Variants in MYO9A observed in about 807,000 individuals in gnomAD.
MYO9A encodes the protein unconventional myosin-IXa.
MYO9A carries 103 observed loss-of-function variants against 293.3 expected under a neutral mutation model. The observed-to-expected ratio is 0.35, with a 90% CI of 0.30 to 0.41. The LOEUF (loss-of-function observed/expected upper bound fraction) is 0.41. Ranked by LOEUF, MYO9A falls within the 10% of genes least tolerant of loss-of-function variation. The pLI is 1.00. For synonymous variants in MYO9A, 1,001 were observed against 1,035.7 expected (o/e 0.97, Z 0.64); for missense variants, 2,685 against 3,033.0 (o/e 0.89, Z 2.69).
chr15:71,827,740 G>C (rs2054565834), intron 41 of MYO9A, 144 bp downstream of exon 41: 1 of 902,418 alleles, frequency 1.1e-6, no homozygotes, highest in Non-Finnish European at 1.6e-6. Flanking sequence ...AAAATTATAT[G>C]GATAAAAGGA....
intron 18 of MYO9A, among the ~76,000 whole-genome samples, chr15:71,930,314 A>G (rs1387757770): frequency 6.6e-6 from 1 of 152,032 alleles, no homozygotes; most frequent in Non-Finnish European, 1.5e-5. Flanking sequence ...ATCCCCTAGG[A>G]TTACTGTATT....
Position 71,826,585 on chromosome 15 carries a change from C to A in MYO9A, c.7642G>T (p.Val2548Phe). The A allele has an allele frequency of 6.3e-7, 1 of 1,589,714 alleles. No individual in the cohort carries two copies. Among genetic ancestry groups the A allele is most frequent in the Non-Finnish European group, 8.5e-7 (1 of 1,171,492 alleles). Reference sequence around the variant, plus strand: ...AGGGACACACATCTGCCGGTTCAGACCATAAATTCATTATTTCCAAAGAGT... The same window carrying A: ...AGGGACACACATCTGCCGGTTCAGAACATAAATTCATTATTTCCAAAGAGT... The part of the protein sequence containing the change: ...LALFGNNEFM[V>F] The change falls in exon 42 of 42, where the codon GTC becomes TTC. Residue 2548 changes from valine (V) to phenylalanine (F), a missense_variant. Transcript: ENST00000356056.
chr15:71,908,913 A>G (rs773604283), intron 19 of MYO9A, among the ~76,000 whole-genome samples: 24 of 151,936 alleles, frequency 1.6e-4, no homozygotes, highest in Non-Finnish European at 3.2e-4. Context: ...CTGCCTACTC[A>G]TCCTCCCCCA....
intron 14 of MYO9A, among the ~76,000 whole-genome samples, chr15:71,954,785 T>C (rs945290862): frequency 6.6e-6 from 1 of 152,214 alleles, no homozygotes; most frequent in African/African-American, 2.4e-5. Flanking sequence ...AAAAGTTCCA[T>C]AACTTTGAAG....
At chr15:72,058,667 A>G (rs1035131102) in intron 1 of MYO9A, among the ~76,000 whole-genome samples, 3 of 152,148 alleles carry the variant, frequency 2.0e-5, no homozygotes, top group Non-Finnish European at 2.9e-5. Context: ...CTCTATCTCA[A>G]TGTAGACACT....
At chr15:72,024,732 T>C (rs2077610654) in intron 4 of MYO9A, among the ~76,000 whole-genome samples, 1 of 152,218 alleles carries the variant, frequency 6.6e-6, no homozygotes, top group South Asian at 2.1e-4. Flanking sequence ...ACAAAGTTTG[T>C]TGTATACTAT....
chr15:72,039,295 T>G (rs1036961469), intron 2 of MYO9A, among the ~76,000 whole-genome samples: 2 of 152,154 alleles, frequency 1.3e-5, no homozygotes, highest in African/African-American at 4.8e-5. Flanking sequence ...ATACTGTTAA[T>G]CTAAAGTTCA....
intron 18 of MYO9A, 65 bp from the exon 19 acceptor site, chr15:71,916,557 C>A: frequency 6.6e-7 from 1 of 1,504,054 alleles, no homozygotes; most frequent in Non-Finnish European, 9.0e-7. Context: ...AAATTCTCAG[C>A]CAGTTTTCAT....
At chr15:71,859,834 C>T in intron 33 of MYO9A, 38 bp from the exon 34 acceptor site, 1 of 1,549,894 alleles carries the variant, frequency 6.5e-7, no homozygotes, top group Non-Finnish European at 8.9e-7. Flanking sequence ...TTTTAGAAGT[C>T]TGTACATCAG....
chr15:71,836,223 G>C (rs576472915), intron 39 of MYO9A, among the ~76,000 whole-genome samples: 1 of 152,130 alleles, frequency 6.6e-6, no homozygotes, highest in African/African-American at 2.4e-5. Context: ...CAAGAGCTTT[G>C]AACAGGCTCC....
chr15:71,967,881 T>G, intron 13 of MYO9A, 103 bp downstream of exon 13: 1 of 1,138,866 alleles, frequency 8.8e-7, no homozygotes, highest in Non-Finnish European at 1.2e-6. Flanking sequence ...CTCCAGTTAT[T>G]ACTGATCAAA....
chr15:72,086,886 G>A (rs1422331857), intron 1 of MYO9A, among the ~76,000 whole-genome samples: 1 of 152,096 alleles, frequency 6.6e-6, no homozygotes, highest in African/African-American at 2.4e-5. Context: ...TCCTGCCTCA[G>A]CCTCCCAAGT....
At chr15:72,075,373 G>C (rs926031733) in intron 1 of MYO9A, among the ~76,000 whole-genome samples, 6 of 151,680 alleles carry the variant, frequency 4.0e-5, no homozygotes, top group African/African-American at 1.5e-4. Flanking sequence ...ACTAACCCAC[G>C]GATGATGCAG....
intron 13 of MYO9A, among the ~76,000 whole-genome samples, chr15:71,964,450 C>A (rs1054399769): frequency 2.6e-5 from 4 of 151,866 alleles, no homozygotes; most frequent in African/African-American, 7.3e-5. Flanking sequence ...AGTTTGAGAC[C>A]AGCCTAGCCA....
Position 71,870,416 on chromosome 15 carries a change from G to C in MYO9A, c.5979+5375C>G, listed in dbSNP as rs1381445172. On this transcript the variant is annotated intron_variant, in intron 32 of 41. Transcript: ENST00000356056. ...TTAAGCTGGAAAATATGCAACAATA[G>C]CCTTTAAGACTTTTTAGAGTCATGT... 9.9e-5 allele frequency among the ~76,000 whole-genome samples: 15 copies of C among 152,130 alleles called. 1 individual carries two copies. Among genetic ancestry groups the C allele is most frequent in the Non-Finnish European group, 1.3e-4 (9 of 68,016 alleles).
chr15:71,860,430 G>A (rs2056067818), intron 33 of MYO9A, among the ~76,000 whole-genome samples: 1 of 152,220 alleles, frequency 6.6e-6, no homozygotes, highest in Non-Finnish European at 1.5e-5. Context: ...ACCCAGAGTA[G>A]CTGGGCAGCT....
chr15:71,872,120 T>G (rs989484989), intron 32 of MYO9A, among the ~76,000 whole-genome samples: 2 of 152,060 alleles, frequency 1.3e-5, no homozygotes, highest in Non-Finnish European at 2.9e-5. Context: ...AGACCAAGAA[T>G]GCCATTAATC....
At chr15:71,870,290 G>C (rs917667452) in intron 32 of MYO9A, among the ~76,000 whole-genome samples, 1 of 151,706 alleles carries the variant, frequency 6.6e-6, no homozygotes, top group African/African-American at 2.4e-5. Flanking sequence ...TGGTTCCATA[G>C]GAAAAAAGGT....
intron 41 of MYO9A, 68 bp from the exon 42 acceptor site, chr15:71,827,111 TA>T (rs2054536929): frequency 8.5e-7 from 1 of 1,175,012 alleles, no homozygotes; most frequent in African/African-American, 1.5e-5. Flanking sequence ...ATATAATGAA[TA>T]GATGCCACTG....
Sources: allele counts gnomAD v4.1 joint callset (sites outside exome capture counted in the v4.1 genomes callset), GRCh38; gene constraint gnomAD v4.1.1; transcripts MANE v1.5; gene names NCBI Gene and HGNC (gene_info 2026-07-23, HGNC 2026-07-21).